The following FUT8 variants were observed in gnomAD, a reference collection of about 807,000 sequenced individuals.
FUT8 encodes alpha-(1,6)-fucosyltransferase.
Under a neutral mutation model 71.3 loss-of-function variants are expected in FUT8, and 29 were observed. The ratio of observed to expected loss-of-function variants is 0.41; its 90% CI spans 0.30 to 0.55. FUT8 has a LOEUF of 0.55. Among genes scored for constraint, FUT8 ranks in the 20% least tolerant of loss-of-function variants. The pLI is 0.34. For missense variants in FUT8, 544 were observed against 702.1 expected (o/e 0.77, Z 2.55); for synonymous variants, 254 against 239.3 (o/e 1.06, Z -0.57).
chr14:65,631,687 A>G (rs1206447080), intron 6 of FUT8, among the ~76,000 whole-genome samples: 1 of 152,122 alleles, frequency 6.6e-6, no homozygotes, highest in East Asian at 1.9e-4. Flanking sequence ...CTCAGTAGAA[A>G]AAAAGTGCTT....
intron 7 of FUT8, among the ~76,000 whole-genome samples, chr14:65,670,914 T>G (rs189187404): frequency 6.6e-6 from 1 of 152,320 alleles, no homozygotes; most frequent in East Asian, 1.9e-4. Context: ...TTAACTCACT[T>G]CAGATTTTAA....
chr14:65,453,352 A>G (rs2065854594), intron 1 of FUT8, among the ~76,000 whole-genome samples: 1 of 152,048 alleles, frequency 6.6e-6, no homozygotes, highest in African/African-American at 2.4e-5. Context: ...AAGTTATTTG[A>G]AAGTGTTTTT....
Position 65,424,725 on chromosome 14 carries a change from A to G in FUT8, c.-326+11511A>G, listed in dbSNP as rs559979010. Reference sequence around the variant, plus strand: ...ACTCAGGCTGGAATGTCATGATTCAATCATAGCTCACTGCAACCTCTGCCT... The same window carrying G: ...ACTCAGGCTGGAATGTCATGATTCAGTCATAGCTCACTGCAACCTCTGCCT... On this transcript the variant is annotated intron_variant, in intron 1 of 10. Transcript: ENST00000673929. Among the ~76,000 whole-genome samples, 18 of 151,944 alleles carry G rather than the reference A, an allele frequency of 1.2e-4. No homozygotes were observed. The East Asian group carries it at 2.9e-3, about 25-fold the overall frequency.
At chr14:65,457,446 T>A (rs1368488546) in intron 2 of FUT8, among the ~76,000 whole-genome samples, 1 of 152,154 alleles carries the variant, frequency 6.6e-6, no homozygotes, top group South Asian at 2.1e-4. Flanking sequence ...ATTTTGGAGA[T>A]ACTAGGTAGC....
At chr14:65,595,888 C>T (rs991147884) in intron 3 of FUT8, among the ~76,000 whole-genome samples, 2 of 152,136 alleles carry the variant, frequency 1.3e-5, no homozygotes, top group African/African-American at 2.4e-5. Context: ...GGATTACAGG[C>T]GTGAGCCACC....
the FUT8 span, among the ~76,000 whole-genome samples, chr14:65,381,909 C>G: frequency 6.6e-6 from 1 of 152,166 alleles, no homozygotes; most frequent in Admixed American, 6.6e-5. Flanking sequence ...ACCTATTGCA[C>G]GAAACTTCTT....
chr14:65,735,023 G>A (rs985250178), intron 10 of FUT8, among the ~76,000 whole-genome samples: 3 of 152,078 alleles, frequency 2.0e-5, no homozygotes, highest in Non-Finnish European at 4.4e-5. Context: ...AATTGCCCTG[G>A]TTGAGAACTA....
intron 6 of FUT8, among the ~76,000 whole-genome samples, chr14:65,650,730 C>CA (rs374138566): frequency 4.3e-5 from 5 of 117,190 alleles, no homozygotes; most frequent in South Asian, 2.8e-4. Flanking sequence ...AAAAAAAAAA[C>CA]AAAAAAAACC....
In FUT8 at chr14:65,433,336, G is replaced by A. The variant is rs546969296; in HGVS notation, c.-326+20122G>A. ...AAGTTCTAGTAGGATATGGTACATA[G>A]TGATGATTAGCTTAGCATCAAAAAC... On this transcript the variant is annotated intron_variant, in intron 1 of 10. Coordinates refer to ENST00000673929, the MANE Select transcript of FUT8 (RefSeq NM_001371533.1). Among the ~76,000 whole-genome samples the A allele has an allele frequency of 2.0e-5, 3 of 152,338 alleles. No homozygotes were observed. In the East Asian group the frequency reaches 5.8e-4, roughly 29 times the overall value.
intron 2 of FUT8, among the ~76,000 whole-genome samples, chr14:65,518,994 C>A (rs1411787048): frequency 1.3e-5 from 2 of 152,102 alleles, no homozygotes; most frequent in Non-Finnish European, 2.9e-5. Context: ...ATAATGAGGT[C>A]TACTATGTAT....
chr14:65,373,780 C>A, the FUT8 span, among the ~76,000 whole-genome samples: 1 of 152,168 alleles, frequency 6.6e-6, no homozygotes, highest in East Asian at 1.9e-4. Context: ...TGCTACAAGC[C>A]TAGCTGCTAA....
chr14:65,500,014 C>T (rs1310067035), intron 2 of FUT8, among the ~76,000 whole-genome samples: 1 of 152,170 alleles, frequency 6.6e-6, no homozygotes, highest in African/African-American at 2.4e-5. Flanking sequence ...CTTAACGCCC[C>T]TTTCAAACTG....
At chr14:65,675,782 A>G (rs9671406) in intron 7 of FUT8, among the ~76,000 whole-genome samples, 127,727 of 151,770 alleles carry the variant, frequency 0.84, 53,881 homozygotes, top group East Asian at 1. Context: ...CAGAGGTCAG[A>G]AGTTCAAGAC....
chr14:65,390,406 A>G, the FUT8 span, among the ~76,000 whole-genome samples: 22,390 of 150,898 alleles, frequency 0.15, 2,260 homozygotes, highest in East Asian at 0.54. Context: ...TGCTTCAGGG[A>G]AGGGGGACTA....
At chr14:65,497,808 A>G (rs2066582393) in intron 2 of FUT8, among the ~76,000 whole-genome samples, 1 of 152,134 alleles carries the variant, frequency 6.6e-6, no homozygotes, top group Admixed American at 6.5e-5. Flanking sequence ...TGAGTAAAAT[A>G]GTCTCAATTT....
At chr14:65,599,140 C>T (rs965061976) in intron 3 of FUT8, among the ~76,000 whole-genome samples, 2 of 152,118 alleles carry the variant, frequency 1.3e-5, no homozygotes, top group Non-Finnish European at 2.9e-5. Context: ...TCTGCCTGAG[C>T]CTTGTTTCCT....
chr14:65,630,137 T>C (rs1372089474), intron 6 of FUT8, among the ~76,000 whole-genome samples: 3 of 151,998 alleles, frequency 2.0e-5, no homozygotes, highest in African/African-American at 7.3e-5. Context: ...GAATTTTAGG[T>C]TGTGTGAAAG....
At chr14:65,372,769 TTA>T in the FUT8 span, among the ~76,000 whole-genome samples, 1 of 152,216 alleles carries the variant, frequency 6.6e-6, no homozygotes, top group Non-Finnish European at 1.5e-5. Context: ...AATTTTTCTC[TTA>T]TCTCTCTGAT....
intron 1 of FUT8, among the ~76,000 whole-genome samples, chr14:65,453,019 T>C (rs1594645551): frequency 6.6e-6 from 1 of 151,418 alleles, no homozygotes; most frequent in Admixed American, 6.5e-5. Context: ...CTTCTGGCTC[T>C]GTTTTCTTGC....
Sources: gnomAD v4.1 joint callset for allele counts (sites outside exome capture counted in the v4.1 genomes callset) on GRCh38, gnomAD v4.1.1 for gene constraint, MANE v1.5 for transcripts, NCBI Gene and HGNC (gene_info 2026-07-23, HGNC 2026-07-21) for gene names.